Variants in CCNY observed in about 807,000 individuals in gnomAD.
CCNY encodes the protein cyclin Y.
A neutral mutation model predicts 42.8 loss-of-function variants in CCNY; 19 were observed. The ratio of observed to expected loss-of-function variants is 0.44; its 90% CI spans 0.31 to 0.65. CCNY has a LOEUF of 0.65. Ranked by LOEUF, CCNY falls within the 30% of genes least tolerant of loss-of-function variation. The pLI, the probability that CCNY is intolerant of heterozygous loss-of-function variation, is 0.07. For synonymous variants in CCNY, 165 were observed against 162.7 expected (o/e 1.01, Z -0.11); for missense variants, 370 against 437.3 (o/e 0.85, Z 1.37).
intron 1 of CCNY, among the ~76,000 whole-genome samples, chr10:35,403,532 T>C (rs1315489597): frequency 1.3e-5 from 2 of 152,164 alleles, no homozygotes; most frequent in African/African-American, 2.4e-5. Flanking sequence ...TGTCCTTTGG[T>C]GGTCCTTGCA....
Position 35,338,654 on chromosome 10 carries a change from G to A in CCNY, c.154+1447G>A, listed in dbSNP as rs1181718152. ...TTTAAAGGGAGGAATAAATGAATGAGTTTATTACAGAAAGCCATTACCCAG... is the reference window on the plus strand; with the variant it reads ...TTTAAAGGGAGGAATAAATGAATGAATTTATTACAGAAAGCCATTACCCAG... On this transcript the variant is annotated intron_variant, in intron 1 of 9. Coordinates refer to ENST00000374704, the MANE Select transcript of CCNY (RefSeq NM_145012.6). Among the ~76,000 whole-genome samples, 4 of 152,148 alleles carry A rather than the reference G, an allele frequency of 2.6e-5. No individual in the cohort carries two copies. The East Asian group carries it at 7.7e-4, about 29-fold the overall frequency.
chr10:35,336,392 G>GC (rs913677565), upstream of CCNY: 1 of 151,998 alleles, frequency 6.6e-6, no homozygotes, highest in Non-Finnish European at 1.5e-5. Context: ...GGGCTGCGCC[G>GC]CCCCGAACCT....
At position 35,354,892 on chromosome 10, in the gene CCNY, T is replaced by C. The variant is rs372773961; in HGVS notation, c.154+17685T>C. On this transcript the variant is annotated intron_variant, in intron 1 of 9. Transcript: ENST00000374704. Reference sequence around the variant, plus strand: ...CTCCTATCTTTCTAAGTCAGTCTTATGTTTCAGGTGTCTCAAATTTATTTT... The same window carrying C: ...CTCCTATCTTTCTAAGTCAGTCTTACGTTTCAGGTGTCTCAAATTTATTTT... Among the ~76,000 whole-genome samples the C allele has an allele frequency of 8.5e-5, 13 of 152,344 alleles. No individual in the cohort carries two copies. In the East Asian group the frequency reaches 1.3e-3, roughly 16 times the overall value.
intron 1 of CCNY, chr10:35,248,095 C>G (rs551258391): frequency 2.0e-5 from 3 of 152,374 alleles, no homozygotes; most frequent in African/African-American, 7.2e-5. Flanking sequence ...AAAGCAAGGT[C>G]CTTGCTCTTC....
intron 1 of CCNY, among the ~76,000 whole-genome samples, chr10:35,343,338 G>T (rs1026465137): frequency 2.0e-5 from 3 of 147,996 alleles, no homozygotes; most frequent in Non-Finnish European, 4.5e-5. Context: ...CCATGGAGTG[G>T]TAGATTTTCT....
At position 35,496,363 on chromosome 10, in the gene CCNY, A is replaced by G. The variant is rs112935661; in HGVS notation, c.230-5138A>G. On this transcript the variant is annotated intron_variant, in intron 2 of 9. Transcript: ENST00000374704. ...GCGGATGTATAGAGGAAGGGGTCCT[A>G]CACGCGGTCTCCTCTCTTCTTCTTC... is the stretch of plus-strand genomic sequence containing the variant. Among the ~76,000 whole-genome samples the G allele has an allele frequency of 3.4e-3, 511 of 152,352 alleles. 3 individuals carry two copies. Among genetic ancestry groups the G allele is most frequent in the African/African-American group, 0.012 (481 of 41,570 alleles).
intron 3 of CCNY, among the ~76,000 whole-genome samples, chr10:35,330,605 C>T (rs1835931143): frequency 6.6e-6 from 1 of 152,188 alleles, no homozygotes; most frequent in South Asian, 2.1e-4. Context: ...TTTATACACA[C>T]AGTTTATTTC....
At chr10:35,478,997 G>A (rs1400827799) in intron 1 of CCNY, among the ~76,000 whole-genome samples, 5 of 152,050 alleles carry the variant, frequency 3.3e-5, no homozygotes, top group East Asian at 1.9e-4. Flanking sequence ...CAAAAAACAC[G>A]TGAAAAAATG....
At chr10:35,440,350 G>GAGCAGAGGTT (rs1425159777) in intron 1 of CCNY, among the ~76,000 whole-genome samples, 1 of 152,210 alleles carries the variant, frequency 6.6e-6, no homozygotes, top group African/African-American at 2.4e-5. Flanking sequence ...GGCCACTCTG[G>GAGCAGAGGTT]AGCAGAGGTT....
At chr10:35,266,353 G>A (rs2095725357) in intron 3 of CCNY, among the ~76,000 whole-genome samples, 1 of 150,074 alleles carries the variant, frequency 6.7e-6, no homozygotes, top group Non-Finnish European at 1.5e-5. Flanking sequence ...ACCAGCTTTG[G>A]CCTCCCAAAG....
chr10:35,328,901 A>G (rs1835908845), intron 3 of CCNY, among the ~76,000 whole-genome samples: 1 of 152,234 alleles, frequency 6.6e-6, no homozygotes, highest in Non-Finnish European at 1.5e-5. Flanking sequence ...TACAAAGAGT[A>G]AAACAAGTTC....
intron 1 of CCNY, among the ~76,000 whole-genome samples, chr10:35,407,455 A>G (rs920229276): frequency 2.6e-5 from 4 of 152,148 alleles, no homozygotes; most frequent in African/African-American, 7.2e-5. Flanking sequence ...CATTGGGAGC[A>G]GAGACTAGGG....
chr10:35,280,822 G>A (rs575178679), intron 3 of CCNY, among the ~76,000 whole-genome samples: 1 of 152,208 alleles, frequency 6.6e-6, no homozygotes, highest in Admixed American at 6.5e-5. Context: ...CCCATGGAAT[G>A]CAATAAAATT....
At chr10:35,409,308 G>A (rs1401707160) in intron 1 of CCNY, among the ~76,000 whole-genome samples, 1 of 152,206 alleles carries the variant, frequency 6.6e-6, no homozygotes, top group African/African-American at 2.4e-5. Flanking sequence ...AACAGTTACA[G>A]CTTAAAAGCC....
intron 3 of CCNY, among the ~76,000 whole-genome samples, chr10:35,297,881 A>G (rs2135070227): frequency 6.6e-6 from 1 of 152,322 alleles, no homozygotes; most frequent in East Asian, 1.9e-4. Context: ...GTTTGTGGAT[A>G]GGAAGAATCA....
chr10:35,525,417 A>G (rs1840633003), intron 4 of CCNY, among the ~76,000 whole-genome samples: 2 of 152,232 alleles, frequency 1.3e-5, no homozygotes, highest in African/African-American at 2.4e-5. Context: ...GACCTTTTAA[A>G]ATGTAAAATA....
At chr10:35,310,759 T>C (rs1214979941) in intron 3 of CCNY, among the ~76,000 whole-genome samples, 2 of 152,222 alleles carry the variant, frequency 1.3e-5, no homozygotes, top group African/African-American at 4.8e-5. Flanking sequence ...AGTCTTAATA[T>C]ATGTATAGTT....
At chr10:35,555,361 G>A (rs1379780182) in intron 8 of CCNY, among the ~76,000 whole-genome samples, 2 of 152,148 alleles carry the variant, frequency 1.3e-5, no homozygotes, top group African/African-American at 2.4e-5. Flanking sequence ...TAAAAAGATA[G>A]GAGGGTAAAG....
intron 3 of CCNY, among the ~76,000 whole-genome samples, chr10:35,253,874 G>GTTT (rs34396120): frequency 1.0e-4 from 13 of 129,294 alleles, no homozygotes; most frequent in South Asian, 2.4e-4. Flanking sequence ...TTGAGCAACT[G>GTTT]TTTTTTTTTT....
Sources: gnomAD v4.1 joint callset for allele counts (sites outside exome capture counted in the v4.1 genomes callset) on GRCh38, gnomAD v4.1.1 for gene constraint, MANE v1.5 for transcripts, NCBI Gene and HGNC (gene_info 2026-07-23, HGNC 2026-07-21) for gene names.